The following MACF1 variants were observed in gnomAD, a reference collection of about 807,000 sequenced individuals.
MACF1 encodes the protein microtubule actin crosslinking factor 1, also known as microtubule-actin cross-linking factor 1.
A neutral mutation model predicts 854.8 loss-of-function variants in MACF1; 193 were observed. That is an observed-to-expected ratio of 0.23 (90% CI 0.20 to 0.25). The LOEUF is 0.25. MACF1 is among the 10% of genes least tolerant of loss of function. The pLI, the probability that MACF1 is intolerant of heterozygous loss-of-function variation, is 1.00. For synonymous variants in MACF1, 3,185 were observed against 3,226.7 expected (o/e 0.99, Z 0.44); for missense variants, 7,722 against 8,929.1 (o/e 0.86, Z 5.45).
intron 2 of MACF1, among the ~76,000 whole-genome samples, chr1:39,090,231 AG>A (rs1311668326): frequency 6.6e-6 from 1 of 152,216 alleles, no homozygotes. Flanking sequence ...GTATCCAGGA[AG>A]GCTCCTCCTC....
At chr1:39,450,712 C>T (rs745471818) in intron 84 of MACF1, among the ~76,000 whole-genome samples, 6 of 150,042 alleles carry the variant, frequency 4.0e-5, no homozygotes, top group African/African-American at 7.4e-5. Flanking sequence ...CCCGGGTTCG[C>T]GCCATTCTCC....
chr1:39,194,831 A>G (rs1044591426), intron 2 of MACF1, among the ~76,000 whole-genome samples: 8 of 151,942 alleles, frequency 5.3e-5, no homozygotes, highest in Admixed American at 6.6e-5. Context: ...AGCTAGAACT[A>G]CAGGTGTGTA....
At chr1:39,419,069 A>C (rs1172980408) in intron 58 of MACF1, among the ~76,000 whole-genome samples, 2 of 152,210 alleles carry the variant, frequency 1.3e-5, no homozygotes, top group Non-Finnish European at 2.9e-5. Context: ...AGGAGTAGGA[A>C]TTTTAGTGTA....
At chr1:39,321,459 C>G (rs182712500) in intron 31 of MACF1, among the ~76,000 whole-genome samples, 1 of 152,090 alleles carries the variant, frequency 6.6e-6, no homozygotes, top group East Asian at 1.9e-4. Context: ...TTCCTTCTAC[C>G]CGGAGTTTTT....
At chr1:39,174,761 AG>A (rs962282919) in intron 2 of MACF1, among the ~76,000 whole-genome samples, 1 of 152,204 alleles carries the variant, frequency 6.6e-6, no homozygotes, top group African/African-American at 2.4e-5. Flanking sequence ...GTATAGAGAA[AG>A]GGCCCCTGAT....
At chr1:39,429,751 A>T in intron 64 of MACF1, 76 bp from the exon 65 acceptor site, 1 of 1,413,934 alleles carries the variant, frequency 7.1e-7, no homozygotes, top group Non-Finnish European at 9.9e-7. Flanking sequence ...TAAAGCTCTG[A>T]TTTGAAGAAA....
At chr1:39,163,176 C>T (rs980160420) in intron 2 of MACF1, among the ~76,000 whole-genome samples, 3 of 151,824 alleles carry the variant, frequency 2.0e-5, no homozygotes, top group African/African-American at 7.3e-5. Flanking sequence ...CATGGTGAAA[C>T]CCCATCTTTA....
chr1:39,119,447 T>C (rs1642638336), intron 2 of MACF1, among the ~76,000 whole-genome samples: 1 of 152,020 alleles, frequency 6.6e-6, no homozygotes, highest in Non-Finnish European at 1.5e-5. Context: ...TTGTTACTTT[T>C]TGTGTGTATT....
chr1:39,275,071 A>G (rs1419218338), intron 6 of MACF1, among the ~76,000 whole-genome samples: 1 of 150,922 alleles, frequency 6.6e-6, no homozygotes, highest in Non-Finnish European at 1.5e-5. Flanking sequence ...TCAAACAACA[A>G]TAAGATACTT....
At chr1:39,355,409 A>G (rs1297447490) in intron 44 of MACF1, among the ~76,000 whole-genome samples, 1 of 148,340 alleles carries the variant, frequency 6.7e-6, no homozygotes. Context: ...CCACTTCACT[A>G]TCTAATTGAG....
chr1:39,178,041 T>G (rs1644054288), intron 2 of MACF1, among the ~76,000 whole-genome samples: 1 of 151,866 alleles, frequency 6.6e-6, no homozygotes, highest in African/African-American at 2.4e-5. Flanking sequence ...ATCTTTAGGC[T>G]GTCAGGGAAA....
chr1:39,189,403 TC>T (rs1204507347), intron 2 of MACF1, among the ~76,000 whole-genome samples: 1 of 152,252 alleles, frequency 6.6e-6, no homozygotes, highest in Non-Finnish European at 1.5e-5. Flanking sequence ...CTGTCACTTT[TC>T]TGAGGTTTCT....
chr1:39,413,029 G>A (rs1323101827), intron 58 of MACF1: 5 of 1,585,006 alleles, frequency 3.2e-6, no homozygotes, highest in East Asian at 2.3e-5. Context: ...AGGGACTGCT[G>A]CAGTTGCTGC....
At chr1:39,251,809 T>TC (rs1448482309) in intron 3 of MACF1, 37 bp from the exon 4 acceptor site, 2 of 1,167,218 alleles carry the variant, frequency 1.7e-6, no homozygotes, top group African/African-American at 1.6e-5. Flanking sequence ...AATTTCTTGT[T>TC]CCTCTATTGT....
chr1:39,368,364 T>C, intron 50 of MACF1, 50 bp downstream of exon 50: 1 of 1,536,012 alleles, frequency 6.5e-7, no homozygotes. Context: ...TTTTTCTTGT[T>C]ATGGAGTGAA....
At chr1:39,469,728 T>A (rs941696720) in intron 97 of MACF1, 113 bp downstream of exon 97, 3 of 812,696 alleles carry the variant, frequency 3.7e-6, no homozygotes, top group Non-Finnish European at 6.2e-6. Context: ...TCATGAATGC[T>A]TGAAATGGCC....
intron 2 of MACF1, among the ~76,000 whole-genome samples, chr1:39,112,031 C>T (rs1471150090): frequency 6.6e-6 from 1 of 151,752 alleles, no homozygotes; most frequent in Non-Finnish European, 1.5e-5. Context: ...GTGTCCTGTG[C>T]CTTTGTTTAC....
intron 58 of MACF1, among the ~76,000 whole-genome samples, chr1:39,404,727 C>A (rs941028586): frequency 6.6e-6 from 1 of 152,114 alleles, no homozygotes; most frequent in Non-Finnish European, 1.5e-5. Flanking sequence ...TCAAGGGATA[C>A]CCCTGCCTCA....
chr1:39,350,947 G>A lies in MACF1; in HGVS notation c.11128G>A (p.Glu3710Lys). Residue 3710 changes from glutamate to lysine, a missense_variant, in exon 43 of 101, where the codon GAA (glutamate) becomes AAA (lysine). Transcript: ENST00000564288. ...TAAGGAGCAATATGAGGCGCTCCAG[G>A]AAGAGACACGTGTGGCCCAGAAGGA... The part of the protein sequence containing the change: ...QAKEQYEALQ[E>K]ETRVAQKELE... 6.2e-7 allele frequency: 1 copy of A among 1,614,152 alleles called. No individual in the cohort carries two copies. Among genetic ancestry groups the A allele is most frequent in the Non-Finnish European group, 8.5e-7 (1 of 1,180,000 alleles).
Sources: allele counts gnomAD v4.1 joint callset (sites outside exome capture counted in the v4.1 genomes callset), GRCh38; gene constraint gnomAD v4.1.1; transcripts MANE v1.5; gene names NCBI Gene and HGNC (gene_info 2026-07-23, HGNC 2026-07-21).